PYGM: variants seen among roughly 807,000 people sequenced by gnomAD.
PYGM encodes the protein glycogen phosphorylase, muscle form.
A neutral mutation model predicts 99.3 loss-of-function variants in PYGM; 81 were observed. That is an observed-to-expected ratio of 0.82 (90% CI 0.68 to 0.98). The LOEUF is 0.98. Ranked by LOEUF, PYGM falls within the 50% of genes least tolerant of loss-of-function variation. PYGM has a pLI of 0.00. For synonymous variants in PYGM, 436 were observed against 451.5 expected (o/e 0.97, Z 0.44); for missense variants, 1,030 against 1,158.1 (o/e 0.89, Z 1.61).
intron 11 of PYGM, 97 bp from the exon 12 acceptor site, chr11:64,753,284 T>C: frequency 7.7e-7 from 1 of 1,300,152 alleles, no homozygotes; most frequent in Non-Finnish European, 1.1e-6. Context: ...GAAAGGGGCC[T>C]GGGGCAGGGA....
At chr11:64,760,630 G>A (rs1389177631), upstream of PYGM, among the ~76,000 whole-genome samples, 2 of 152,246 alleles carry the variant, frequency 1.3e-5, no homozygotes, top group African/African-American at 4.8e-5. Flanking sequence ...CGGGGCCCTG[G>A]GAACTGTAGT....
rs148859931 is a variant in PYGM at position 64,750,081 on chromosome 11, C to T, written c.2177+295G>A. Among the ~76,000 whole-genome samples the T allele has an allele frequency of 7.5e-3, 1,142 of 152,272 alleles. 12 individuals carry two copies. The highest frequency in any genetic ancestry group is 0.026 in the African/African-American group (1,067 of 41,558). On this transcript the variant is annotated intron_variant, in intron 17 of 19. Transcript: ENST00000164139. ...TGCTGGGATTACAGGTGTGAGCCAC[C>T]GCACCCGGCGTAGAGCAAGGATTTT...
intron 17 of PYGM, chr11:64,747,676 T>C (rs2058324365): frequency 2.6e-6 from 1 of 388,120 alleles, no homozygotes; most frequent in Non-Finnish European, 4.9e-6. Flanking sequence ...CAAAATGGCT[T>C]TTCTCCTCCA....
In PYGM at chr11:64,751,409, C is replaced by T; in HGVS notation, c.1885G>A (p.Asp629Asn). Residue 629 changes from aspartate to asparagine, a missense_variant, in exon 16 of 20, where the codon GAT becomes AAT. By Grantham distance (23) the Asp-to-Asn change is conservative. Coordinates refer to ENST00000164139, the MANE Select transcript of PYGM (RefSeq NM_005609.4). ...MIIRLVTAIGDVVNHDPAVGD... is the reference protein window; with the variant it reads ...MIIRLVTAIGNVVNHDPAVGD... ...ACTGCCGGGTCATGGTTGACCACAT[C>T]CCCGATGGCTGTGACGAGTCTGATG... The T allele has an allele frequency of 3.7e-6, 6 of 1,614,168 alleles. No homozygotes were observed. The highest frequency in any genetic ancestry group is 1.3e-5 in the African/African-American group (1 of 75,044).
intron 11 of PYGM, 99 bp from the exon 12 acceptor site, chr11:64,753,286 G>T: frequency 7.7e-7 from 1 of 1,298,288 alleles, no homozygotes; most frequent in Non-Finnish European, 1.1e-6. Flanking sequence ...AAGGGGCCTG[G>T]GGCAGGGAAT....
chr11:64,750,347 C>A (rs993900150), intron 17 of PYGM, 29 bp downstream of exon 17: 18 of 1,613,730 alleles, frequency 1.1e-5, no homozygotes, highest in Non-Finnish European at 1.4e-5. Context: ...ACCTGGGTGT[C>A]TTTTGCCCGT....
In PYGM at chr11:64,755,164, A is replaced by T. The variant is rs2058385675; in HGVS notation, c.855+109T>A. On this transcript the variant is annotated intron_variant, in intron 7 of 19. Transcript: ENST00000164139. The surrounding 1 kb of genome is among the most constrained non-coding windows in gnomAD (Gnocchi z 4.1). ...GGGCACAGGATGCACAAGGCCAGCA[A>T]TATGCCCTGGGTGTGACTAGGGCAC... 1.6e-6 allele frequency: 2 copies of T among 1,266,312 alleles called. No homozygotes were observed. The highest frequency in any genetic ancestry group is 2.3e-6 in the Non-Finnish European group (2 of 873,916). The allele number at this position is 1,266,312 out of a possible 1,614,324, so 78.4% of individuals were successfully genotyped here. A position where few individuals can be genotyped will look rare whatever the true frequency, so the allele number is the denominator to read the frequency against.
chr11:64,754,693 C>G lies in PYGM; in HGVS notation c.999G>C (p.Lys333Asn), dbSNP rs1408714785. Reference sequence around the variant, plus strand: ...GAGTCGCCCTCCACACGCATGGTACCTTATCTGGGAAGGCATCGAAGTTCG... The same window carrying G: ...GAGTCGCCCTCCACACGCATGGTACGTTATCTGGGAAGGCATCGAAGTTCG... ...VRTNFDAFPD[K>N]VAIQLNDTHP... Residue 333 changes from lysine (K) to asparagine (N), a missense_variant and splice_region_variant, in exon 8 of 20, where the codon AAG (lysine) becomes AAC (asparagine). Lys to Asn is a moderately conservative substitution (Grantham distance 94). Coordinates refer to ENST00000164139, the MANE Select transcript of PYGM (RefSeq NM_005609.4). This position sits in a 1 kb window ranked among gnomAD's most constrained non-coding sequence, Gnocchi z 5.5. 1 of 1,613,402 alleles carries G rather than the reference C, an allele frequency of 6.2e-7. No homozygotes were observed. The highest frequency in any genetic ancestry group is 1.3e-5 in the African/African-American group (1 of 75,022).
intron 10 of PYGM, 57 bp from the exon 11 acceptor site, chr11:64,753,739 C>T (rs2058373787): frequency 6.4e-7 from 1 of 1,550,482 alleles, no homozygotes. Flanking sequence ...TCCCCAGTCC[C>T]CAGCCCCACA....
Position 64,753,434 on chromosome 11 carries a change from T to C in PYGM, c.1403+85A>G, listed in dbSNP as rs2058370177. 11 of 1,484,732 alleles carry C rather than the reference T, an allele frequency of 7.4e-6. 1 individual carries two copies. In the East Asian group the frequency reaches 2.7e-4, roughly 37 times the overall value. The allele number at this position is 1,484,732 out of a possible 1,614,324, so 92.0% of individuals were successfully genotyped here. A position where few individuals can be genotyped will look rare whatever the true frequency, so the allele number is the denominator to read the frequency against. Reference sequence around the variant, plus strand: ...CCAGGGCCCAGAGACCAGAGAGTGGTCGGTGAAGGGCGGGGCTTCTGTGTG... The same window carrying C: ...CCAGGGCCCAGAGACCAGAGAGTGGCCGGTGAAGGGCGGGGCTTCTGTGTG... On this transcript the variant is annotated intron_variant, in intron 11 of 19. Transcript: ENST00000164139.
At chr11:64,750,678 C>T in intron 16 of PYGM, 95 bp from the exon 17 acceptor site, 1 of 1,222,796 alleles carries the variant, frequency 8.2e-7, no homozygotes. Flanking sequence ...CATAGCTGGA[C>T]TCAGAGTCGC....
At position 64,753,294 on chromosome 11, in the gene PYGM, A is replaced by T. The variant is rs997048333; in HGVS notation, c.1404-107T>A. The T allele has an allele frequency of 7.1e-6, 9 of 1,264,402 alleles. No individual in the cohort carries two copies. The African/African-American group carries it at 1.2e-4, about 17-fold the overall frequency. The allele number at this position is 1,264,402 out of a possible 1,614,324, so 78.3% of individuals were successfully genotyped here. A position where few individuals can be genotyped will look rare whatever the true frequency, so the allele number is the denominator to read the frequency against. On this transcript the variant is annotated intron_variant, in intron 11 of 19. Transcript: ENST00000164139. ...TTGCTGAAAGGGGCCTGGGGCAGGG[A>T]ATGCAGACCTGGGGAAGGTTGGGGG...
upstream of PYGM, chr11:64,760,014 G>C: frequency 6.8e-7 from 1 of 1,477,910 alleles, no homozygotes; most frequent in South Asian, 1.3e-5. Context: ...GCCTGGCTCT[G>C]GGCAGCACGC....
intron 12 of PYGM, 33 bp downstream of exon 12, chr11:64,753,040 G>A (rs756854324): frequency 6.5e-7 from 1 of 1,539,804 alleles, no homozygotes; most frequent in South Asian, 1.1e-5. Context: ...AGGGACCCAT[G>A]TTGACTCTAC....
At position 64,753,925 on chromosome 11, in the gene PYGM, G is replaced by A. The variant is rs773204705; in HGVS notation, c.1193C>T (p.Pro398Leu). The A allele has an allele frequency of 8.2e-6, 13 of 1,594,662 alleles. No homozygotes were observed. The highest frequency in any genetic ancestry group is 3.5e-5 in the Admixed American group (2 of 57,452). Residue 398 changes from proline to leucine, a missense_variant, in exon 10 of 20, where the codon CCG becomes CTG. Transcript: ENST00000164139. ...CTCGTAGATGATCTGGAGGTGCCGC[G>A]GCAGCAGCGTCTCCAAGAGGTGCAC... is the stretch of plus-strand genomic sequence containing the variant. ...WPVHLLETLL[P>L]RHLQIIYEIN...
chr11:64,756,157 C>A lies in PYGM; in HGVS notation c.661-599G>T, dbSNP rs963364351. ...CGCCCTCCCTCCCCACATTCAGTCA[C>A]CCTGATTGGTGCAGGGTGGGAGTTG... On this transcript the variant is annotated intron_variant, in intron 5 of 19. Transcript: ENST00000164139. 5.9e-5 allele frequency among the ~76,000 whole-genome samples: 9 copies of A among 152,252 alleles called. No homozygotes were observed. The highest frequency in any genetic ancestry group is 8.8e-5 in the Non-Finnish European group (6 of 68,046).
chr11:64,748,150 G>A (rs566653), intron 17 of PYGM: 4,573 of 152,502 alleles, frequency 0.03, 89 homozygotes, highest in Middle Eastern at 0.05. Context: ...AGAAACCAGC[G>A]CTCCCCACAA....
intron 17 of PYGM, among the ~76,000 whole-genome samples, chr11:64,749,946 A>C (rs1016598880): frequency 2.0e-5 from 3 of 151,790 alleles, no homozygotes; most frequent in African/African-American, 4.8e-5. Flanking sequence ...GCGCCTGCCA[A>C]CACGCCCGGC....
chr11:64,755,615 TC>T lies in PYGM; in HGVS notation c.661-58del. ...AGCCCTGGCAATTGCCTCCCTCCCCTCAGGGCTGGGACTCAAGGCTTTATCC... is the reference window on the plus strand; with the variant it reads ...AGCCCTGGCAATTGCCTCCCTCCCCTAGGGCTGGGACTCAAGGCTTTATCC... On this transcript the variant is annotated intron_variant, in intron 5 of 19. Transcript: ENST00000164139. The surrounding 1 kb of genome is among the most constrained non-coding windows in gnomAD (Gnocchi z 4.1). The T allele has an allele frequency of 7.2e-7, 1 of 1,387,410 alleles. No homozygotes were observed. Among genetic ancestry groups the T allele is most frequent in the East Asian group, 2.3e-5 (1 of 42,858 alleles). 85.9% of individuals were successfully genotyped at this position (1,387,410 alleles called of 1,614,324 possible).
Sources: allele counts gnomAD v4.1 joint callset (sites outside exome capture counted in the v4.1 genomes callset), GRCh38; gene constraint gnomAD v4.1.1; non-coding constraint Gnocchi (gnomAD v3.1); transcripts MANE v1.5; gene names NCBI Gene and HGNC (gene_info 2026-07-23, HGNC 2026-07-21).